The following KAZN variants were observed in gnomAD, a reference collection of about 807,000 sequenced individuals.
KAZN encodes kazrin, periplakin interacting protein.
In KAZN, 40 loss-of-function variants were observed where a neutral mutation model predicts 87.4. The observed-to-expected ratio is 0.46, with a 90% CI of 0.36 to 0.60. The LOEUF is 0.60. KAZN is among the 20% of genes least tolerant of loss of function. The pLI, the probability that KAZN is intolerant of heterozygous loss-of-function variation, is 0.00. For missense variants in KAZN, 898 were observed against 1,073.9 expected, an observed-to-expected ratio of 0.84 and a Z score of 2.29; for synonymous variants, 466 against 458.3, an observed-to-expected ratio of 1.02 and a Z score of -0.22.
intron 1 of KAZN, among the ~76,000 whole-genome samples, chr1:14,893,990 G>A (rs1023775516): frequency 3.3e-5 from 5 of 152,130 alleles, no homozygotes; most frequent in Non-Finnish European, 5.9e-5. Flanking sequence ...AGTTGATGAA[G>A]AGTATAATTA....
At chr1:14,637,849 G>A (rs77931659) in intron 1 of KAZN, among the ~76,000 whole-genome samples, 7,445 of 152,170 alleles carry the variant, frequency 0.049, 237 homozygotes, top group Middle Eastern at 0.071. Flanking sequence ...AAACTGGGAG[G>A]CTTCAAACAA....
intron 2 of KAZN, among the ~76,000 whole-genome samples, chr1:14,482,014 T>C (rs1366561060): frequency 1.3e-5 from 2 of 152,164 alleles, no homozygotes; most frequent in African/African-American, 4.8e-5. Context: ...AGGGACATGG[T>C]AATGCTTCCC....
intron 1 of KAZN, among the ~76,000 whole-genome samples, chr1:14,622,701 A>G (rs1311474981): frequency 3.3e-5 from 5 of 151,848 alleles, no homozygotes; most frequent in Non-Finnish European, 7.4e-5. Flanking sequence ...AAAAAAAAAA[A>G]AAAATTATGA....
intron 2 of KAZN, among the ~76,000 whole-genome samples, chr1:14,290,995 G>A (rs562268040): frequency 4.6e-5 from 7 of 152,254 alleles, no homozygotes; most frequent in Non-Finnish European, 1.0e-4. Context: ...TGTTTGCCTG[G>A]GTATCACCAG....
intron 1 of KAZN, among the ~76,000 whole-genome samples, chr1:14,615,589 G>A (rs1036844193): frequency 6.6e-6 from 1 of 151,290 alleles, no homozygotes; most frequent in South Asian, 2.1e-4. Context: ...TCGTGCCACT[G>A]CACTCCAGTC....
intron 1 of KAZN, among the ~76,000 whole-genome samples, chr1:14,945,015 G>T (rs937085356): frequency 6.6e-6 from 1 of 152,156 alleles, no homozygotes; most frequent in African/African-American, 2.4e-5. Flanking sequence ...AGTACCGCAG[G>T]GGACAGCACC....
At chr1:13,993,932 A>C in intron 1 of KAZN, among the ~76,000 whole-genome samples, 1 of 152,248 alleles carries the variant, frequency 6.6e-6, no homozygotes, top group Middle Eastern at 3.2e-3. Flanking sequence ...GGGTGAATTT[A>C]AAATTGGGAG....
At chr1:14,676,880 A>G (rs1182810507) in intron 1 of KAZN, among the ~76,000 whole-genome samples, 1 of 152,126 alleles carries the variant, frequency 6.6e-6, no homozygotes. Context: ...TGGAGTAGTG[A>G]TGGTTGCAGA....
At chr1:14,400,990 G>A (rs1663354985) in intron 2 of KAZN, among the ~76,000 whole-genome samples, 1 of 152,208 alleles carries the variant, frequency 6.6e-6, no homozygotes, top group East Asian at 1.9e-4. Flanking sequence ...TAACAGAAAG[G>A]CCTTGTGCTA....
intron 1 of KAZN, among the ~76,000 whole-genome samples, chr1:13,954,077 T>C (rs915875992): frequency 2.0e-5 from 3 of 152,148 alleles, no homozygotes; most frequent in African/African-American, 7.2e-5. Context: ...GATGAATGAG[T>C]GGCTGAGCAA....
chr1:15,065,538 C>A, intron 7 of KAZN, 92 bp from the exon 8 acceptor site: 1 of 1,156,670 alleles, frequency 8.6e-7, no homozygotes, highest in Non-Finnish European at 1.3e-6. Context: ...GCCTTCCCCA[C>A]CCCGGATCCC....
intron 1 of KAZN, among the ~76,000 whole-genome samples, chr1:13,971,599 TTTTTTTGTTG>T (rs1208366002): frequency 2.7e-5 from 4 of 149,466 alleles, no homozygotes; most frequent in South Asian, 4.3e-4. Context: ...TGTGAGGTTT[TTTTTTTGTTG>T]TTGTTGTTGT....
chr1:15,076,863 G>A (rs1434094721), intron 8 of KAZN, among the ~76,000 whole-genome samples: 1 of 152,190 alleles, frequency 6.6e-6, no homozygotes, highest in Non-Finnish European at 1.5e-5. Context: ...ATATATTAGG[G>A]TGACAATGAC....
At chr1:14,586,349 T>G (rs1675845292) in intron 2 of KAZN, among the ~76,000 whole-genome samples, 1 of 152,208 alleles carries the variant, frequency 6.6e-6, no homozygotes. Context: ...AAATGTTTAC[T>G]GAACACCCAC....
chr1:14,782,554 C>CAAAAAAAAAAAAAAAAAAAAAA (rs71572122), intron 1 of KAZN, among the ~76,000 whole-genome samples: 1 of 66,252 alleles, frequency 1.5e-5, no homozygotes, highest in Non-Finnish European at 2.7e-5. Context: ...CCTCAAAGAG[C>CAAAAAAAAAAAAAAAAAAAAAA]AAAAAAAAAA....
At position 14,856,568 on chromosome 1, in the gene KAZN, C is replaced by G. The variant is rs143006395; in HGVS notation, c.227-104116C>G. On this transcript the variant is annotated intron_variant, in intron 1 of 14. Coordinates refer to ENST00000376030, the MANE Select transcript of KAZN (RefSeq NM_201628.3). This position sits in a 1 kb window ranked among gnomAD's most constrained non-coding sequence, Gnocchi z 5.2. ...GAACACTATGTTCATTAGTATAAAA[C>G]ATTCCATATTTTATTTCTATTTTGG... Among the ~76,000 whole-genome samples, 1,807 of 152,292 alleles carry G rather than the reference C, an allele frequency of 0.012. 31 individuals carry two copies. The highest frequency in any genetic ancestry group is 0.041 in the African/African-American group (1,716 of 41,546).
intron 2 of KAZN, among the ~76,000 whole-genome samples, chr1:14,549,752 C>T (rs1185019898): frequency 1.4e-5 from 2 of 144,056 alleles, no homozygotes; most frequent in Non-Finnish European, 3.0e-5. Context: ...GGCCTCAGTT[C>T]GGTCTTCCCA....
chr1:15,110,226 T>C (rs1421683783), intron 13 of KAZN, among the ~76,000 whole-genome samples: 4 of 150,766 alleles, frequency 2.7e-5, no homozygotes, highest in East Asian at 2.0e-4. Flanking sequence ...TGTGTGTTTG[T>C]GTATGTGTAT....
intron 2 of KAZN, among the ~76,000 whole-genome samples, chr1:14,449,823 C>T (rs1454957852): frequency 6.6e-6 from 1 of 152,130 alleles, no homozygotes; most frequent in African/African-American, 2.4e-5. Flanking sequence ...GATGATTCCT[C>T]CCTGACTTCA....
Sources: allele counts gnomAD v4.1 joint callset (sites outside exome capture counted in the v4.1 genomes callset), GRCh38; gene constraint gnomAD v4.1.1; non-coding constraint Gnocchi (gnomAD v3.1); transcripts MANE v1.5; gene names NCBI Gene and HGNC (gene_info 2026-07-23, HGNC 2026-07-21).